The following CDH18 variants were observed in gnomAD, a reference collection of about 807,000 sequenced individuals.
The protein encoded by CDH18 is cadherin 18.
In CDH18, 31 loss-of-function variants were observed where a neutral mutation model predicts 67.9. The ratio of observed to expected loss-of-function variants is 0.46; its 90% CI spans 0.34 to 0.62. The LOEUF (loss-of-function observed/expected upper bound fraction) is 0.62. Among genes scored for constraint, CDH18 ranks in the 20% least tolerant of loss-of-function variants. CDH18 has a pLI of 0.01. For synonymous variants in CDH18, 362 were observed against 347.2 expected, an observed-to-expected ratio of 1.04 and a Z score of -0.48; for missense variants, 890 against 975.5, an observed-to-expected ratio of 0.91 and a Z score of 1.17.
At chr5:19,838,522 A>G (rs1781923291) in intron 3 of CDH18, among the ~76,000 whole-genome samples, 1 of 152,208 alleles carries the variant, frequency 6.6e-6, no homozygotes, top group African/African-American at 2.4e-5. Flanking sequence ...TGTTATGAAT[A>G]TGCAGTCTTG....
chr5:19,926,774 T>C (rs1793139531), intron 2 of CDH18, among the ~76,000 whole-genome samples: 1 of 152,066 alleles, frequency 6.6e-6, no homozygotes, highest in Non-Finnish European at 1.5e-5. Flanking sequence ...CAATTTTGTT[T>C]TTTTCTGAAA....
chr5:19,618,580 G>C (rs533067686), intron 5 of CDH18, among the ~76,000 whole-genome samples: 1 of 152,092 alleles, frequency 6.6e-6, no homozygotes, highest in African/African-American at 2.4e-5. Flanking sequence ...ACAGAAAATG[G>C]GTAGGACTCC....
chr5:20,379,356 C>A (rs1277841082), intron 1 of CDH18, among the ~76,000 whole-genome samples: 3 of 152,138 alleles, frequency 2.0e-5, no homozygotes, highest in Non-Finnish European at 2.9e-5. Flanking sequence ...ATTTTACATA[C>A]AATCATACTT....
At chr5:20,127,031 T>C (rs556611103) in intron 2 of CDH18, among the ~76,000 whole-genome samples, 2 of 152,256 alleles carry the variant, frequency 1.3e-5, no homozygotes, top group Non-Finnish European at 2.9e-5. Context: ...ACAAGAGATA[T>C]GGTTTGGCTC....
At chr5:20,575,238 C>T (rs575644065) in intron 1 of CDH18, among the ~76,000 whole-genome samples, 151 of 151,420 alleles carry the variant, frequency 1.0e-3, no homozygotes, top group African/African-American at 3.6e-3. Context: ...AATGTAGTGA[C>T]CTTATTTTTG....
intron 2 of CDH18, among the ~76,000 whole-genome samples, chr5:20,080,416 A>T (rs1744349077): frequency 6.6e-6 from 1 of 152,184 alleles, no homozygotes; most frequent in African/African-American, 2.4e-5. Flanking sequence ...GCCTTGGATG[A>T]TATACAAGTA....
intron 2 of CDH18, among the ~76,000 whole-genome samples, chr5:20,142,712 C>T (rs2117883): frequency 0.97 from 148,056 of 152,266 alleles, 72,127 homozygotes; most frequent in Middle Eastern, 1. Context: ...GACGGGGTGA[C>T]AGTCTATAAG....
chr5:19,948,752 A>G (rs1795510014), intron 2 of CDH18, among the ~76,000 whole-genome samples: 3 of 152,160 alleles, frequency 2.0e-5, no homozygotes, highest in African/African-American at 7.2e-5. Flanking sequence ...TTTATGCAAG[A>G]TGTTATTGTG....
chr5:20,465,320 A>C (rs1751563005), intron 1 of CDH18, among the ~76,000 whole-genome samples: 1 of 152,066 alleles, frequency 6.6e-6, no homozygotes, highest in African/African-American at 2.4e-5. Flanking sequence ...GCTAATAATA[A>C]TAACAGCATG....
At chr5:19,581,298 C>G (rs1277248792) in intron 7 of CDH18, among the ~76,000 whole-genome samples, 5 of 151,928 alleles carry the variant, frequency 3.3e-5, no homozygotes, top group East Asian at 3.8e-4. Context: ...CTCTTTCTAA[C>G]TTGTAAAGTA....
At chr5:19,593,596 C>A (rs1334621232) in intron 6 of CDH18, among the ~76,000 whole-genome samples, 3 of 141,706 alleles carry the variant, frequency 2.1e-5, no homozygotes, top group Non-Finnish European at 4.6e-5. Context: ...CCCTCCCCTT[C>A]TACTTCACCC....
chr5:20,387,064 T>G (rs977622067), intron 1 of CDH18, among the ~76,000 whole-genome samples: 31 of 152,122 alleles, frequency 2.0e-4, no homozygotes, highest in Non-Finnish European at 2.9e-4. Context: ...GACCCGAGAG[T>G]AAATATCTTC....
intron 2 of CDH18, among the ~76,000 whole-genome samples, chr5:19,864,934 G>T (rs1313378043): frequency 1.3e-5 from 2 of 152,298 alleles, no homozygotes; most frequent in Non-Finnish European, 2.9e-5. Context: ...AACATTAACT[G>T]ATGGGAAATA....
At chr5:19,936,645 A>G (rs935733711) in intron 2 of CDH18, among the ~76,000 whole-genome samples, 1 of 151,194 alleles carries the variant, frequency 6.6e-6, no homozygotes, top group Non-Finnish European at 1.5e-5. Flanking sequence ...AATAAAAACT[A>G]GAAGCTCTAG....
intron 2 of CDH18, among the ~76,000 whole-genome samples, chr5:20,234,127 C>T (rs1430474971): frequency 2.0e-5 from 3 of 152,134 alleles, no homozygotes; most frequent in Non-Finnish European, 4.4e-5. Flanking sequence ...AGCCAATTCC[C>T]AGTTCCCAGT....
chr5:20,575,149 G>A (rs1442544387), intron 1 of CDH18, among the ~76,000 whole-genome samples: 7 of 151,904 alleles, frequency 4.6e-5, no homozygotes, highest in African/African-American at 1.7e-4. Context: ...TTGTAAGGTT[G>A]TCACAAAAAA....
In CDH18 at chr5:20,544,866, A is replaced by G. The variant is rs188311441; in HGVS notation, c.-580+30596T>C. Among the ~76,000 whole-genome samples, 32 of 152,284 alleles carry G rather than the reference A, an allele frequency of 2.1e-4. No individual in the cohort carries two copies. In the East Asian group the frequency reaches 5.0e-3, roughly 24 times the overall value. ...ACCCAAAGACTTAATTCATTCCAGC[A>G]TTAACTCAAAAGTTCAAGTCCAAAG... On this transcript the variant is annotated intron_variant, in intron 1 of 14. Transcript: ENST00000507958.
chr5:20,121,392 T>C (rs1748339300), intron 2 of CDH18, among the ~76,000 whole-genome samples: 1 of 151,846 alleles, frequency 6.6e-6, no homozygotes, highest in African/African-American at 2.4e-5. Flanking sequence ...TGTAGATTCA[T>C]GACTTCAGCT....
intron 2 of CDH18, among the ~76,000 whole-genome samples, chr5:19,855,362 C>A (rs1784162294): frequency 6.6e-6 from 1 of 152,022 alleles, no homozygotes; most frequent in South Asian, 2.1e-4. Context: ...ATATCTCCTT[C>A]TTTATGCATA....
Sources: gnomAD v4.1 joint callset for allele counts (sites outside exome capture counted in the v4.1 genomes callset) on GRCh38, gnomAD v4.1.1 for gene constraint, MANE v1.5 for transcripts, NCBI Gene and HGNC (gene_info 2026-07-23, HGNC 2026-07-21) for gene names.